ZNF385D: variants seen among roughly 807,000 people sequenced by gnomAD.
ZNF385D encodes zinc finger protein 385D, also known as zinc finger protein 659.
In ZNF385D, 15 loss-of-function variants were observed where a neutral mutation model predicts 35.8. The ratio of observed to expected loss-of-function variants is 0.42; its 90% confidence interval spans 0.28 to 0.64. ZNF385D has a LOEUF of 0.64. Ranked by LOEUF, ZNF385D falls within the 30% of genes least tolerant of loss-of-function variation. The probability of loss-of-function intolerance (pLI) is 0.23; values close to 1 mark genes in which losing one functional copy is unlikely to be tolerated. For missense variants in ZNF385D, 474 were observed against 494.6 expected (o/e 0.96, Z 0.39); for synonymous variants, 212 against 186.8 (o/e 1.13, Z -1.10).
chr3:21,614,841 C>T (rs1372652994), intron 2 of ZNF385D, among the ~76,000 whole-genome samples: 1 of 152,186 alleles, frequency 6.6e-6, no homozygotes, highest in Non-Finnish European at 1.5e-5. Flanking sequence ...CCTGCCTCGG[C>T]CTCCCGAAGT....
rs1328137696 is a variant in ZNF385D, at chr3:21,711,186, A to C, written c.22+39709T>G. Among the ~76,000 whole-genome samples the C allele has an allele frequency of 6.0e-5, 9 of 151,168 alleles. No homozygotes were observed. In the South Asian group the frequency reaches 6.3e-4, roughly 11 times the overall value. On this transcript the variant is annotated intron_variant, in intron 1 of 7. Transcript: ENST00000281523. ...CCTCCCGAGTAGCTGGGACTACAGG[A>C]GCCCACCATCACGCCCGGCTAATTT...
At chr3:21,871,079 T>G (rs1264308467) in intron 3 of ZNF385D, among the ~76,000 whole-genome samples, 2 of 152,148 alleles carry the variant, frequency 1.3e-5, no homozygotes, top group Admixed American at 6.6e-5. Context: ...CTGAAGACTC[T>G]CCCCAACTCT....
intron 3 of ZNF385D, among the ~76,000 whole-genome samples, chr3:22,084,149 C>A (rs1213666513): frequency 9.9e-5 from 15 of 152,168 alleles, no homozygotes; most frequent in African/African-American, 3.4e-4. Context: ...TAACGACCAT[C>A]GTTGCTAGGA....
intron 4 of ZNF385D, among the ~76,000 whole-genome samples, chr3:21,485,382 C>T (rs1339563181): frequency 2.0e-5 from 3 of 152,044 alleles, no homozygotes; most frequent in South Asian, 4.1e-4. Context: ...ATACTGGAGC[C>T]GACTTGAGAA....
chr3:22,243,347 G>T (rs1411246194), intron 2 of ZNF385D, among the ~76,000 whole-genome samples: 5 of 150,938 alleles, frequency 3.3e-5, no homozygotes, highest in Admixed American at 3.3e-4. Flanking sequence ...ACAGAGAATG[G>T]CTACAATCAA....
chr3:22,111,527 T>C (rs902606772), intron 3 of ZNF385D, among the ~76,000 whole-genome samples: 9 of 152,042 alleles, frequency 5.9e-5, no homozygotes, highest in Admixed American at 4.6e-4. Context: ...ATGGAAGTGA[T>C]AGAAAACTGT....
intron 2 of ZNF385D, among the ~76,000 whole-genome samples, chr3:22,272,653 T>TA (rs1003582763): frequency 1.6e-4 from 25 of 151,964 alleles, no homozygotes; most frequent in Middle Eastern, 3.4e-3. Context: ...CATAAAACTT[T>TA]AAAAAAAATT....
intron 4 of ZNF385D, among the ~76,000 whole-genome samples, chr3:21,462,824 A>G (rs913484750): frequency 6.6e-6 from 1 of 152,140 alleles, no homozygotes; most frequent in African/African-American, 2.4e-5. Flanking sequence ...TCTACTAAAT[A>G]TATAAAAATT....
intron 4 of ZNF385D, among the ~76,000 whole-genome samples, chr3:21,476,936 G>A (rs778299037): frequency 6.6e-5 from 10 of 152,094 alleles, no homozygotes; most frequent in Non-Finnish European, 1.5e-4. Context: ...GGAGGAGTCC[G>A]TGAGAATGTT....
chr3:21,733,323 C>G (rs1217956211), intron 1 of ZNF385D, among the ~76,000 whole-genome samples: 1 of 152,106 alleles, frequency 6.6e-6, no homozygotes, highest in Non-Finnish European at 1.5e-5. Flanking sequence ...TAGTGTCAGT[C>G]CTTCAACTTT....
chr3:21,751,037 G>A lies in ZNF385D; in HGVS notation c.-121C>T. ...GGAAATGTCCCCGGCGTGGAGAGCA[G>A]TGAGCGCCGAGAGCGTGCCTCCTCC... is the stretch of plus-strand genomic sequence containing the variant. On this transcript the variant is annotated 5_prime_UTR_variant, in exon 1 of 8. Transcript: ENST00000281523. 1 of 1,576,632 alleles carries A rather than the reference G, an allele frequency of 6.3e-7. No homozygotes were observed. The highest frequency in any genetic ancestry group is 8.6e-7 in the Non-Finnish European group (1 of 1,161,192).
At chr3:21,834,031 C>T (rs758820975) in intron 3 of ZNF385D, among the ~76,000 whole-genome samples, 6 of 151,696 alleles carry the variant, frequency 4.0e-5, no homozygotes, top group South Asian at 4.2e-4. Context: ...AATTAATACA[C>T]GTAAAATATT....
intron 3 of ZNF385D, among the ~76,000 whole-genome samples, chr3:21,799,923 T>A (rs1034306418): frequency 2.0e-5 from 3 of 152,160 alleles, no homozygotes; most frequent in African/African-American, 7.2e-5. Context: ...TGAGTTAAAT[T>A]TTGAATAATG....
intron 3 of ZNF385D, among the ~76,000 whole-genome samples, chr3:21,852,227 C>T (rs530481750): frequency 1.3e-5 from 2 of 151,920 alleles, no homozygotes; most frequent in African/African-American, 4.8e-5. Context: ...CTACAGGATA[C>T]ACTTTATATG....
intron 2 of ZNF385D, among the ~76,000 whole-genome samples, chr3:21,648,178 A>G (rs1378108689): frequency 2.0e-5 from 3 of 152,130 alleles, no homozygotes; most frequent in Admixed American, 1.3e-4. Context: ...TGATTGGATC[A>G]TGAGGGGCGG....
intron 2 of ZNF385D, among the ~76,000 whole-genome samples, chr3:22,174,470 C>T (rs1694684277): frequency 6.6e-6 from 1 of 152,118 alleles, no homozygotes; most frequent in Admixed American, 6.6e-5. Flanking sequence ...CTTACAAAGT[C>T]ATACGACTCT....
At chr3:21,798,882 A>G (rs2072273574) in intron 3 of ZNF385D, among the ~76,000 whole-genome samples, 1 of 152,208 alleles carries the variant, frequency 6.6e-6, no homozygotes, top group Middle Eastern at 3.2e-3. Flanking sequence ...AATGTTGTGC[A>G]ATAATAACGT....
intron 3 of ZNF385D, among the ~76,000 whole-genome samples, chr3:21,788,963 A>C (rs1470150512): frequency 2.6e-5 from 4 of 152,228 alleles, no homozygotes; most frequent in African/African-American, 7.2e-5. Context: ...AGAACAAAAA[A>C]AGAATGGAGC....
At chr3:21,893,294 G>A (rs965747373) in intron 3 of ZNF385D, among the ~76,000 whole-genome samples, 3 of 152,090 alleles carry the variant, frequency 2.0e-5, no homozygotes, top group Non-Finnish European at 4.4e-5. Flanking sequence ...TTCCAAATAT[G>A]AATTGCACAT....
Sources: gnomAD v4.1 joint callset for allele counts (sites outside exome capture counted in the v4.1 genomes callset) on GRCh38, gnomAD v4.1.1 for gene constraint, MANE v1.5 for transcripts, NCBI Gene and HGNC (gene_info 2026-07-23, HGNC 2026-07-21) for gene names.